Variants in UBE4A observed in about 807,000 individuals in gnomAD.
UBE4A encodes ubiquitin conjugation factor E4 A.
In UBE4A, 48 loss-of-function variants were observed where a neutral mutation model predicts 117.9. The observed-to-expected ratio is 0.41, with a 90% CI of 0.32 to 0.52. The LOEUF (loss-of-function observed/expected upper bound fraction) is 0.52. Ranked by LOEUF, UBE4A falls within the 20% of genes least tolerant of loss-of-function variation. UBE4A has a pLI of 0.33. For synonymous variants in UBE4A, 407 were observed against 450.0 expected, an observed-to-expected ratio of 0.90 and a Z score of 1.21; for missense variants, 1,067 against 1,296.3, an observed-to-expected ratio of 0.82 and a Z score of 2.72.
chr11:118,376,561 T>TA lies in UBE4A; in HGVS notation c.1451-11dup. 6.2e-7 allele frequency: 1 copy of TA among 1,601,916 alleles called. No individual in the cohort carries two copies. Among genetic ancestry groups the TA allele is most frequent in the Admixed American group, 1.8e-5 (1 of 56,090 alleles). On this transcript the variant is annotated splice_polypyrimidine_tract_variant and intron_variant, in intron 9 of 19. Coordinates refer to ENST00000252108, the MANE Select transcript of UBE4A (RefSeq NM_001204077.2). ...AGACATTTACCCTCTTTTTTTTTTT[T>TA]AACTTCTTTGAGGTTTGGACAAAGA...
Position 118,398,256 on chromosome 11 carries a change from C to T in UBE4A, c.*1816C>T, listed in dbSNP as rs1232992608. ...GAAGGCAGCTATTCCCAGCAGCTTC[C>T]TAGTTAACAACCCCCATGCTGCCTC... On this transcript the variant is annotated 3_prime_UTR_variant, in exon 20 of 20. Transcript: ENST00000252108. 6.6e-6 allele frequency: 1 copy of T among 152,468 alleles called. No homozygotes were observed. Among genetic ancestry groups the T allele is most frequent in the Non-Finnish European group, 1.5e-5 (1 of 68,022 alleles). The allele number at this position is 152,468 out of a possible 1,614,324, so 9.4% of individuals were successfully genotyped here.
At chr11:118,384,389 A>C (rs906007477) in intron 13 of UBE4A, among the ~76,000 whole-genome samples, 4 of 152,154 alleles carry the variant, frequency 2.6e-5, no homozygotes, top group Non-Finnish European at 5.9e-5. Flanking sequence ...TTTATTTTAC[A>C]GCTTGGTACT....
intron 10 of UBE4A, among the ~76,000 whole-genome samples, chr11:118,378,062 A>G (rs1948669198): frequency 6.6e-6 from 1 of 152,148 alleles, no homozygotes; most frequent in Non-Finnish European, 1.5e-5. Context: ...CCTAGCTAAC[A>G]TGGTGAAACC....
chr11:118,375,358 A>G, intron 9 of UBE4A, 129 bp downstream of exon 9: 1 of 970,760 alleles, frequency 1.0e-6, no homozygotes, highest in East Asian at 3.0e-5. Context: ...AGCTATTTCG[A>G]TTTTTTTTTC....
chr11:118,380,915 A>G (rs1948700010), intron 11 of UBE4A, among the ~76,000 whole-genome samples: 1 of 152,218 alleles, frequency 6.6e-6, no homozygotes, highest in Admixed American at 6.5e-5. Flanking sequence ...AATCTTGGAA[A>G]TGACATACTA....
rs187566811 is a variant in UBE4A, at chr11:118,371,601, C to A, written c.496C>A (p.Arg166=). ...SSTTLNLSAD[R]DAGERHIFCY... is the part of the protein sequence containing the mutation. ...TACAACGCTAAATCTCTCTGCTGAT[C>A]GAGATGCAGGAGAGAGGCACATTTT... is the stretch of plus-strand genomic sequence containing the variant. Residue 166 remains arginine (R), a synonymous_variant, in exon 5 of 20, where the codon CGA becomes AGA. Coordinates refer to ENST00000252108, the MANE Select transcript of UBE4A (RefSeq NM_001204077.2). 7.4e-6 allele frequency: 12 copies of A among 1,613,926 alleles called. No individual in the cohort carries two copies. The highest frequency in any genetic ancestry group is 6.7e-5 in the Admixed American group (4 of 60,014).
intron 13 of UBE4A, 128 bp downstream of exon 13, chr11:118,382,904 G>T (rs1948718605): frequency 3.4e-6 from 3 of 880,270 alleles, no homozygotes; most frequent in Non-Finnish European, 4.5e-6. Flanking sequence ...TATATGCCAG[G>T]CTTGATGATA....
rs187566811 is a variant in UBE4A, at chr11:118,371,601, C to G, written c.496C>G (p.Arg166Gly). The change falls in exon 5 of 20, where the codon CGA becomes GGA. Residue 166 changes from arginine to glycine, a missense_variant. This residue lies in a region of UBE4A where 1,001 missense variants were observed against 1,184.0 expected (regional missense o/e 0.85). Coordinates refer to ENST00000252108, the MANE Select transcript of UBE4A (RefSeq NM_001204077.2). ...TACAACGCTAAATCTCTCTGCTGAT[C>G]GAGATGCAGGAGAGAGGCACATTTT... Reference protein sequence around the residue: ...SSTTLNLSADRDAGERHIFCY... With the variant: ...SSTTLNLSADGDAGERHIFCY... 24 of 1,613,808 alleles carry G rather than the reference C, an allele frequency of 1.5e-5. No homozygotes were observed. The highest frequency in any genetic ancestry group is 4.4e-5 in the South Asian group (4 of 91,082).
At chr11:118,391,816 T>G (rs1230671139) in intron 18 of UBE4A, among the ~76,000 whole-genome samples, 6 of 151,820 alleles carry the variant, frequency 4.0e-5, no homozygotes, top group Admixed American at 3.9e-4. Context: ...AAAAAAAATT[T>G]AAGAAACCTC....
intron 3 of UBE4A, 147 bp from the exon 4 acceptor site, chr11:118,369,276 G>A: frequency 3.2e-6 from 2 of 617,656 alleles, no homozygotes; most frequent in Non-Finnish European, 5.7e-6. Context: ...AAAAAGATTT[G>A]AATCTTTAGA....
chr11:118,373,552 C>G lies in UBE4A; in HGVS notation c.983C>G (p.Thr328Ser). 1 of 1,614,130 alleles carries G rather than the reference C, an allele frequency of 6.2e-7. No homozygotes were observed. The highest frequency in any genetic ancestry group is 8.5e-7 in the Non-Finnish European group (1 of 1,180,024). The change falls in exon 8 of 20, where the codon ACC (threonine) becomes AGC (serine). Residue 328 changes from threonine (T) to serine (S), a missense_variant. Physicochemically the swap from Thr to Ser is moderately conservative, Grantham distance 58 (BLOSUM62 1). Coordinates refer to ENST00000252108, the MANE Select transcript of UBE4A (RefSeq NM_001204077.2). Reference sequence around the variant, plus strand: ...ACCAATGGGCAAATGTACCAGAAGACCTTGCTGGGAGTAATTCTGAGTATC... The same window carrying G: ...ACCAATGGGCAAATGTACCAGAAGAGCTTGCTGGGAGTAATTCTGAGTATC... ...DPTNGQMYQK[T>S]LLGVILSISC...
rs1591312593 is a variant in UBE4A at position 118,396,617 on chromosome 11, G to C, written c.*177G>C. On this transcript the variant is annotated 3_prime_UTR_variant, in exon 20 of 20. Coordinates refer to ENST00000252108, the MANE Select transcript of UBE4A (RefSeq NM_001204077.2). Reference sequence around the variant, plus strand: ...AAATTATGATAGTTAAGATTCCTAAGAACTTGACAATGCTCCCCTGGCTTG... The same window carrying C: ...AAATTATGATAGTTAAGATTCCTAACAACTTGACAATGCTCCCCTGGCTTG... 1 of 691,650 alleles carries C rather than the reference G, an allele frequency of 1.4e-6. No homozygotes were observed. Among genetic ancestry groups the C allele is most frequent in the East Asian group, 4.2e-5 (1 of 23,752 alleles). The allele number at this position is 691,650 out of a possible 1,614,324, so 42.8% of individuals were successfully genotyped here.
At chr11:118,374,003 A>G (rs185723936) in intron 8 of UBE4A, among the ~76,000 whole-genome samples, 1 of 151,868 alleles carries the variant, frequency 6.6e-6, no homozygotes. Context: ...AGTCCCACCT[A>G]CTCGGGAGGC....
At chr11:118,365,402 G>A (rs1014091702) in intron 2 of UBE4A, among the ~76,000 whole-genome samples, 11 of 152,116 alleles carry the variant, frequency 7.2e-5, no homozygotes, top group Middle Eastern at 6.8e-3. Context: ...CCTCCCCTCC[G>A]CTGTCCTCTC....
intron 6 of UBE4A, 163 bp downstream of exon 6, chr11:118,372,829 T>G: frequency 9.0e-7 from 1 of 1,113,990 alleles, no homozygotes; most frequent in South Asian, 1.5e-5. Flanking sequence ...AGAATAAAGC[T>G]GGGCATGGTA....
intron 7 of UBE4A, 37 bp downstream of exon 7, chr11:118,373,325 G>A (rs921175728): frequency 1.2e-6 from 2 of 1,600,696 alleles, no homozygotes; most frequent in African/African-American, 1.3e-5. Context: ...AGTTGAGCTA[G>A]ATGTGTAATA....
At chr11:118,382,879 TTA>T in intron 13 of UBE4A, 103 bp downstream of exon 13, 1 of 1,133,436 alleles carries the variant, frequency 8.8e-7, no homozygotes, top group Non-Finnish European at 1.2e-6. Flanking sequence ...AAGCCATTAC[TTA>T]TTGAATACCT....
chr11:118,386,466 T>C lies in UBE4A; in HGVS notation c.2441T>C (p.Ile814Thr), dbSNP rs782184740. Reference sequence around the variant, plus strand: ...TTGAGCAAGATAAAGATTCAGCAAATTGAGAAGGATCGAGGTGAATGGGAT... The same window carrying C: ...TTGAGCAAGATAAAGATTCAGCAAACTGAGAAGGATCGAGGTGAATGGGAT... Reference protein sequence around the residue: ...QYLSKIKIQQIEKDRGEWDSL... With the variant: ...QYLSKIKIQQTEKDRGEWDSL... Residue 814 changes from isoleucine (I) to threonine (T), a missense_variant, in exon 16 of 20, where the codon ATT becomes ACT. Transcript: ENST00000252108. 1.4e-5 allele frequency: 22 copies of C among 1,606,744 alleles called. No homozygotes were observed. Among genetic ancestry groups the C allele is most frequent in the Admixed American group, 1.7e-5 (1 of 57,944 alleles).
At position 118,368,813 on chromosome 11, in the gene UBE4A, C is replaced by A. The variant is rs115916357; in HGVS notation, c.295+9C>A. The A allele has an allele frequency of 7.0e-4, 1,135 of 1,613,856 alleles. 6 individuals carry two copies. The African/African-American group carries it at 0.012, about 16-fold the overall frequency. On this transcript the variant is annotated intron_variant, in intron 3 of 19. Transcript: ENST00000252108. ...TATTACTCTGGACAACAGTGAGTTA[C>A]AAACTTATAGCATTATTCTACCCTT...
Sources: gnomAD v4.1 joint callset for allele counts (sites outside exome capture counted in the v4.1 genomes callset) on GRCh38, gnomAD v4.1.1 for gene constraint, gnomAD v4.1.1 regional missense constraint, MANE v1.5 for transcripts, NCBI Gene and HGNC (gene_info 2026-07-23, HGNC 2026-07-21) for gene names.